Variants in DNAJC21 observed in about 807,000 individuals in gnomAD.
DNAJC21 encodes DnaJ heat shock protein family (Hsp40) member C21.
In DNAJC21, 63 loss-of-function variants were observed where a neutral mutation model predicts 72.4. The ratio of observed to expected loss-of-function variants is 0.87; its 90% confidence interval spans 0.71 to 1.07. DNAJC21 has a LOEUF of 1.07. Ranked by LOEUF, DNAJC21 falls within the 50% of genes least tolerant of loss-of-function variation. The probability of loss-of-function intolerance (pLI) is 0.00; values close to 1 mark genes in which losing one functional copy is unlikely to be tolerated. For missense variants in DNAJC21, 634 were observed against 644.8 expected (o/e 0.98, Z 0.18); for synonymous variants, 203 against 216.7 (o/e 0.94, Z 0.56).
chr5:34,952,322 C>A, intron 10 of DNAJC21: 1 of 857,120 alleles, frequency 1.2e-6, no homozygotes, highest in African/African-American at 1.8e-5. Flanking sequence ...GCCTTTTATG[C>A]CATTGTGTCC....
chr5:34,954,854 CTT>C lies in DNAJC21; in HGVS notation c.*145_*146del. The C allele has an allele frequency of 9.7e-7, 1 of 1,026,080 alleles. No individual in the cohort carries two copies. The highest frequency in any genetic ancestry group is 2.4e-5 in the South Asian group (1 of 40,870). The allele number at this position is 1,026,080 out of a possible 1,614,324, so 63.6% of individuals were successfully genotyped here. A position where few individuals can be genotyped will look rare whatever the true frequency, so the allele number is the denominator to read the frequency against. Reference sequence around the variant, plus strand: ...GATTATTTTTTATCTTGTAAAAACACTTTTTTGGTTTAATATATATTTTTAAA... The same window carrying C: ...GATTATTTTTTATCTTGTAAAAACACTTTTGGTTTAATATATATTTTTAAA... On this transcript the variant is annotated 3_prime_UTR_variant, in exon 12 of 12. Transcript: ENST00000648817.
At chr5:34,930,282 T>C (rs35176895) in intron 1 of DNAJC21, 52,534 of 162,360 alleles carry the variant, frequency 0.32, 10,525 homozygotes, top group Non-Finnish European at 0.45. Context: ...TTTCCCTGCG[T>C]CCCTTGCAGC....
At chr5:34,951,547 A>C in intron 10 of DNAJC21, 2 of 922,878 alleles carry the variant, frequency 2.2e-6, no homozygotes, top group Non-Finnish European at 2.5e-6. Flanking sequence ...TTTTTTTTGG[A>C]GATGGAGTCT....
intron 6 of DNAJC21, among the ~76,000 whole-genome samples, chr5:34,939,326 C>T (rs1213764529): frequency 7.3e-5 from 11 of 151,538 alleles, no homozygotes; most frequent in Non-Finnish European, 1.3e-4. Context: ...ACTGCAGTGG[C>T]GCAATCTCGG....
At position 34,937,333 on chromosome 5, in the gene DNAJC21, A is replaced by G. The variant is rs1764812675; in HGVS notation, c.446A>G (p.His149Arg). 1 of 1,607,714 alleles carries G rather than the reference A, an allele frequency of 6.2e-7. No individual in the cohort carries two copies. The highest frequency in any genetic ancestry group is 8.5e-7 in the Non-Finnish European group (1 of 1,177,160). ...TGTTTTCTTTGTCACTAGGTAGTCCATCCTTTCTACGCTTATTGGCAGAGT... is the reference window on the plus strand; with the variant it reads ...TGTTTTCTTTGTCACTAGGTAGTCCGTCCTTTCTACGCTTATTGGCAGAGT... ...DSQSDYDTVV[H>R]PFYAYWQSFC... is the part of the protein sequence containing the mutation. Residue 149 changes from histidine (H) to arginine (R), a missense_variant, in exon 5 of 12, where the codon CAT (histidine) becomes CGT (arginine). Coordinates refer to ENST00000648817, the MANE Select transcript of DNAJC21 (RefSeq NM_001012339.3).
At chr5:34,952,135 G>T in intron 10 of DNAJC21, 2 of 950,710 alleles carry the variant, frequency 2.1e-6, no homozygotes, top group Non-Finnish European at 2.5e-6. Context: ...GTGTGTGTGT[G>T]TGTGTGTGTG....
intron 1 of DNAJC21, among the ~76,000 whole-genome samples, chr5:34,933,233 T>C (rs1367528732): frequency 2.0e-5 from 3 of 152,222 alleles, no homozygotes; most frequent in Non-Finnish European, 4.4e-5. Context: ...TTTATACTAC[T>C]CAGGTTTTTC....
At chr5:34,937,756 T>C in intron 5 of DNAJC21, 126 bp downstream of exon 5, 6 of 1,184,424 alleles carry the variant, frequency 5.1e-6, no homozygotes, top group Non-Finnish European at 7.0e-6. Flanking sequence ...TTCTTCTTTT[T>C]TAAATTGTGG....
chr5:34,943,856 T>G (rs1473017839), intron 7 of DNAJC21, among the ~76,000 whole-genome samples: 1 of 152,242 alleles, frequency 6.6e-6, no homozygotes, highest in Non-Finnish European at 1.5e-5. Flanking sequence ...TACTGACCTT[T>G]TCATGCTCAA....
At chr5:34,943,265 G>C (rs942778792) in intron 7 of DNAJC21, among the ~76,000 whole-genome samples, 1 of 152,196 alleles carries the variant, frequency 6.6e-6, no homozygotes, top group African/African-American at 2.4e-5. Flanking sequence ...GGAACAGCTT[G>C]TGTTGTCTTT....
In DNAJC21 at chr5:34,945,730, A is replaced by G. The variant is rs200506294; in HGVS notation, c.1143-31A>G. On this transcript the variant is annotated intron_variant, in intron 8 of 11. Coordinates refer to ENST00000648817, the MANE Select transcript of DNAJC21 (RefSeq NM_001012339.3). The stretch of plus-strand genomic sequence containing the variant: ...CCACTTACTCTTCACAGAGTCAAGT[A>G]TTTGACATTTCGATTTATATTTGCT... 3.1e-3 allele frequency: 4,902 copies of G among 1,564,500 alleles called. 2 individuals are homozygous for G. The highest frequency in any genetic ancestry group is 3.8e-3 in the Non-Finnish European group (4,424 of 1,160,168).
intron 8 of DNAJC21, 81 bp from the exon 9 acceptor site, chr5:34,945,680 C>G (rs757299340): frequency 2.2e-5 from 27 of 1,231,542 alleles, no homozygotes; most frequent in Non-Finnish European, 3.0e-5. Flanking sequence ...TACTTTATCA[C>G]TAGTGTTTCA....
chr5:34,958,809 A>G lies in DNAJC21; in HGVS notation c.*4095A>G, dbSNP rs1004709992. The G allele has an allele frequency of 1.3e-5, 2 of 152,256 alleles. No individual in the cohort carries two copies. Among genetic ancestry groups the G allele is most frequent in the African/African-American group, 4.8e-5 (2 of 41,468 alleles). The allele number at this position is 152,256 out of a possible 1,614,324, so 9.4% of individuals were successfully genotyped here. ...CAAAGAGTTTTCATGTATGTGGGTTAAATCTATTGATATTTTCTGTTAGAA... is the reference window on the plus strand; with the variant it reads ...CAAAGAGTTTTCATGTATGTGGGTTGAATCTATTGATATTTTCTGTTAGAA... On this transcript the variant is annotated 3_prime_UTR_variant, in exon 12 of 12. Coordinates refer to ENST00000648817, the MANE Select transcript of DNAJC21 (RefSeq NM_001012339.3).
chr5:34,937,717 C>G (rs1031419607), intron 5 of DNAJC21, 87 bp downstream of exon 5: 1 of 1,465,136 alleles, frequency 6.8e-7, no homozygotes, highest in East Asian at 2.3e-5. Context: ...ATGTTGGGTT[C>G]AGTCATCAGC....
At chr5:34,942,618 T>C (rs954436611) in intron 7 of DNAJC21, among the ~76,000 whole-genome samples, 2 of 152,196 alleles carry the variant, frequency 1.3e-5, no homozygotes, top group African/African-American at 2.4e-5. Context: ...GAGAATATAG[T>C]GTGTCTGATT....
At chr5:34,948,387 G>A (rs753674358) in intron 9 of DNAJC21, among the ~76,000 whole-genome samples, 14 of 152,190 alleles carry the variant, frequency 9.2e-5, no homozygotes, top group Non-Finnish European at 1.2e-4. Context: ...TGAGCCTAGA[G>A]CATCTTATAC....
At chr5:34,937,718 A>G in intron 5 of DNAJC21, 88 bp downstream of exon 5, 1 of 1,464,272 alleles carries the variant, frequency 6.8e-7, no homozygotes, top group East Asian at 2.3e-5. Flanking sequence ...TGTTGGGTTC[A>G]GTCATCAGCC....
intron 1 of DNAJC21, 46 bp downstream of exon 1, chr5:34,929,962 GCCCTCCCCGA>G (rs1764529059): frequency 2.0e-6 from 3 of 1,477,158 alleles, no homozygotes; most frequent in Non-Finnish European, 9.2e-7. Flanking sequence ...GAGAAGCCCG[GCCCTCCCCGA>G]CCTTCCCTTC....
intron 10 of DNAJC21, chr5:34,951,348 A>AT (rs1326028831): frequency 1.0e-6 from 1 of 985,288 alleles, no homozygotes; most frequent in African/African-American, 1.7e-5. Flanking sequence ...GACAAAAGCT[A>AT]TTGAGTAGAA....
Sources: gnomAD v4.1 joint callset for allele counts (sites outside exome capture counted in the v4.1 genomes callset) on GRCh38, gnomAD v4.1.1 for gene constraint, MANE v1.5 for transcripts, NCBI Gene and HGNC (gene_info 2026-07-23, HGNC 2026-07-21) for gene names.